The following IQCM variants were observed in gnomAD, a reference collection of about 807,000 sequenced individuals.
IQCM encodes the protein IQ domain-containing protein M.
IQCM carries 45 observed loss-of-function variants against 57.6 expected under a neutral mutation model. The observed-to-expected ratio is 0.78, with a 90% CI of 0.62 to 1.00. The LOEUF is 1.00. Among genes scored for constraint, IQCM ranks in the 50% least tolerant of loss-of-function variants. IQCM has a pLI of 0.00. For synonymous variants in IQCM, 148 were observed against 158.9 expected (o/e 0.93, Z 0.51); for missense variants, 468 against 511.6 (o/e 0.91, Z 0.82).
chr4:149,547,002 G>T lies in IQCM; in HGVS notation c.1228+1453C>A, dbSNP rs1256978450. ...CATCTTGAATTAATTTTTGTATAAG[G>T]TGTAAGGAAGGGATCCAGTTTCAGC... On this transcript the variant is annotated intron_variant, in intron 12 of 13. Transcript: ENST00000636793. Among the ~76,000 whole-genome samples, 3 of 152,276 alleles carry T rather than the reference G, an allele frequency of 2.0e-5. No homozygotes were observed. The East Asian group carries it at 5.8e-4, about 29-fold the overall frequency.
intron 7 of IQCM, among the ~76,000 whole-genome samples, chr4:149,673,925 T>C (rs559790309): frequency 1.3e-5 from 2 of 152,262 alleles, no homozygotes; most frequent in South Asian, 4.1e-4. Flanking sequence ...GTATGAGCCA[T>C]GAAAGCAAAC....
At position 149,688,936 on chromosome 4, in the gene IQCM, T is replaced by C. The variant is rs1456740633; in HGVS notation, c.386-2468A>G. On this transcript the variant is annotated intron_variant, in intron 5 of 13. Coordinates refer to ENST00000636793, the MANE Select transcript of IQCM (RefSeq NM_001363507.2). ...AAAACTGGATCCTCATCTTTCACCT[T>C]ATACAAAAATCAACTCAAGGTGGAT... Among the ~76,000 whole-genome samples the C allele has an allele frequency of 2.0e-5, 3 of 152,120 alleles. No individual in the cohort carries two copies. In the East Asian group the frequency reaches 5.8e-4, roughly 29 times the overall value.
chr4:149,618,726 A>G (rs1042353310), intron 8 of IQCM, among the ~76,000 whole-genome samples: 1 of 152,188 alleles, frequency 6.6e-6, no homozygotes, highest in Non-Finnish European at 1.5e-5. Context: ...CAACAAACAT[A>G]TGAAAAAATG....
chr4:149,717,953 A>T (rs557851885), intron 5 of IQCM, among the ~76,000 whole-genome samples: 1 of 152,364 alleles, frequency 6.6e-6, no homozygotes, highest in South Asian at 2.1e-4. Flanking sequence ...ACAAGTAGTT[A>T]GTAACATGGT....
At position 149,594,371 on chromosome 4, in the gene IQCM, C is replaced by T. The variant is rs201024405; in HGVS notation, c.682-6374G>A. On this transcript the variant is annotated intron_variant, in intron 8 of 13. Transcript: ENST00000636793. ...TTTTCTTCTTTATTAGTCTTGCTAG[C>T]GGTCTATCAATTTTGTTGATCTTTT... Among the ~76,000 whole-genome samples the T allele has an allele frequency of 2.3e-4, 35 of 152,092 alleles. No individual in the cohort carries two copies. The East Asian group carries it at 5.8e-3, about 25-fold the overall frequency.
intron 8 of IQCM, among the ~76,000 whole-genome samples, chr4:149,609,685 T>C (rs946902980): frequency 6.6e-6 from 1 of 151,744 alleles, no homozygotes; most frequent in Non-Finnish European, 1.5e-5. Context: ...AAATTCAGCA[T>C]CCCTTTATGA....
At chr4:149,584,495 TAC>T (rs1461056611) in intron 9 of IQCM, among the ~76,000 whole-genome samples, 1 of 151,676 alleles carries the variant, frequency 6.6e-6, no homozygotes, top group Non-Finnish European at 1.5e-5. Flanking sequence ...CTCATAAAAA[TAC>T]ATAAATATAT....
rs543557283 is a variant in IQCM, at chr4:149,628,619, A to G, written c.566-7375T>C. The stretch of plus-strand genomic sequence containing the variant: ...GAAGATGAAACTAGAACAATCAGAA[A>G]TGAAGAAAACATACTATGTAATAAT... On this transcript the variant is annotated intron_variant, in intron 7 of 13. Coordinates refer to ENST00000636793, the MANE Select transcript of IQCM (RefSeq NM_001363507.2). 5.5e-4 allele frequency among the ~76,000 whole-genome samples: 84 copies of G among 152,280 alleles called. 1 individual carries two copies. In the South Asian group the frequency reaches 0.015, roughly 28 times the overall value.
At chr4:149,694,454 C>G (rs1763183638) in intron 5 of IQCM, among the ~76,000 whole-genome samples, 1 of 151,892 alleles carries the variant, frequency 6.6e-6, no homozygotes, top group South Asian at 2.1e-4. Context: ...CGGATACTTT[C>G]TCAGATACCG....
chr4:149,532,836 G>A (rs1746891796), intron 12 of IQCM, among the ~76,000 whole-genome samples: 1 of 152,058 alleles, frequency 6.6e-6, no homozygotes, highest in Admixed American at 6.6e-5. Context: ...AGAGGGAGAT[G>A]GACCATAAAC....
chr4:149,481,701 GTTTT>G (rs57465501), intron 12 of IQCM, among the ~76,000 whole-genome samples: 1 of 51,550 alleles, frequency 1.9e-5, no homozygotes, highest in Non-Finnish European at 3.7e-5. Context: ...TTCCAGTTTT[GTTTT>G]TTTTTTTTTT....
chr4:149,503,984 A>C (rs898860393), intron 12 of IQCM, among the ~76,000 whole-genome samples: 6 of 152,160 alleles, frequency 3.9e-5, no homozygotes, highest in African/African-American at 1.4e-4. Context: ...TTAGCAAATC[A>C]CCCAAATAGA....
At chr4:149,571,714 T>A (rs1249089644) in intron 9 of IQCM, among the ~76,000 whole-genome samples, 1 of 152,082 alleles carries the variant, frequency 6.6e-6, no homozygotes, top group African/African-American at 2.4e-5. Context: ...CCGCAACATA[T>A]ATATACTTCG....
At chr4:149,515,764 A>T (rs1744893912) in intron 12 of IQCM, among the ~76,000 whole-genome samples, 1 of 152,194 alleles carries the variant, frequency 6.6e-6, no homozygotes, top group Non-Finnish European at 1.5e-5. Flanking sequence ...GGCTGTAGCC[A>T]ATGGTTTGGC....
intron 7 of IQCM, among the ~76,000 whole-genome samples, chr4:149,631,828 T>C (rs1370215094): frequency 6.6e-6 from 1 of 152,192 alleles, no homozygotes; most frequent in Non-Finnish European, 1.5e-5. Flanking sequence ...ACCTAAACCA[T>C]GGTTTCACTG....
chr4:149,393,443 G>C (rs994581094), intron 13 of IQCM, among the ~76,000 whole-genome samples: 1 of 151,482 alleles, frequency 6.6e-6, no homozygotes, highest in Non-Finnish European at 1.5e-5. Context: ...CCTAACGGAA[G>C]CATTTTTTTA....
At chr4:149,592,068 C>G (rs1437502055) in intron 8 of IQCM, among the ~76,000 whole-genome samples, 7 of 152,180 alleles carry the variant, frequency 4.6e-5, no homozygotes, top group Non-Finnish European at 7.3e-5. Context: ...TACAGTCCCA[C>G]CAACAGTGTA....
At chr4:149,476,609 GA>G (rs1002620895) in intron 12 of IQCM, among the ~76,000 whole-genome samples, 17 of 149,724 alleles carry the variant, frequency 1.1e-4, no homozygotes, top group Middle Eastern at 3.4e-3. Flanking sequence ...TTGTAAACTG[GA>G]AAAAAAAACC....
At chr4:149,788,851 G>A (rs1772314468) in intron 2 of IQCM, among the ~76,000 whole-genome samples, 1 of 152,176 alleles carries the variant, frequency 6.6e-6, no homozygotes, top group South Asian at 2.1e-4. Flanking sequence ...TAGCAACATA[G>A]ATGGAACTGG....
Sources: allele counts gnomAD v4.1 joint callset (sites outside exome capture counted in the v4.1 genomes callset), GRCh38; gene constraint gnomAD v4.1.1; transcripts MANE v1.5; gene names NCBI Gene and HGNC (gene_info 2026-07-23, HGNC 2026-07-21).